The following CHCHD3 variants were observed in gnomAD, a reference collection of about 807,000 sequenced individuals.
CHCHD3 encodes MICOS complex subunit MIC19.
A neutral mutation model predicts 38.2 loss-of-function variants in CHCHD3; 20 were observed. The ratio of observed to expected loss-of-function variants is 0.52; its 90% CI spans 0.37 to 0.76. The LOEUF (loss-of-function observed/expected upper bound fraction) is 0.76, where lower values mean the gene tolerates loss of function less well. Among genes scored for constraint, CHCHD3 ranks in the 30% least tolerant of loss-of-function variants. CHCHD3 has a pLI of 0.00. For synonymous variants in CHCHD3, 82 were observed against 100.0 expected (o/e 0.82, Z 1.07); for missense variants, 245 against 279.2 (o/e 0.88, Z 0.87).
chr7:133,030,362 T>C (rs1813466854), intron 2 of CHCHD3, among the ~76,000 whole-genome samples: 1 of 152,154 alleles, frequency 6.6e-6, no homozygotes, highest in Admixed American at 6.6e-5. Context: ...TCTTTTCAGC[T>C]CCCAGGATCT....
At chr7:133,048,949 A>G (rs1331898578) in intron 2 of CHCHD3, among the ~76,000 whole-genome samples, 3 of 152,216 alleles carry the variant, frequency 2.0e-5, no homozygotes, top group Admixed American at 2.0e-4. Context: ...TGTTGATTTA[A>G]AAGTACCAGG....
At chr7:132,818,218 G>C (rs373752068) in intron 6 of CHCHD3, among the ~76,000 whole-genome samples, 1 of 152,188 alleles carries the variant, frequency 6.6e-6, no homozygotes, top group East Asian at 1.9e-4. Flanking sequence ...TTCTTGTACA[G>C]CCTGCCTGAC....
rs139878161 is a variant in CHCHD3, at chr7:132,960,312, C to T, written c.369+14857G>A. Among the ~76,000 whole-genome samples the T allele has an allele frequency of 1.0e-3, 157 of 152,082 alleles. 1 individual carries two copies. The highest frequency in any genetic ancestry group is 3.5e-3 in the African/African-American group (146 of 41,504). ...GGGGAAAGCAGTATTATCATACACACAGAGAGCATATGTACAGTTAGAGAT... is the reference window on the plus strand; with the variant it reads ...GGGGAAAGCAGTATTATCATACACATAGAGAGCATATGTACAGTTAGAGAT... On this transcript the variant is annotated intron_variant, in intron 4 of 7. Transcript: ENST00000262570.
At chr7:133,073,616 C>A (rs968741715) in intron 1 of CHCHD3, among the ~76,000 whole-genome samples, 1 of 152,122 alleles carries the variant, frequency 6.6e-6, no homozygotes, top group Non-Finnish European at 1.5e-5. Flanking sequence ...CTTAACTCTT[C>A]TTTCTCTCTC....
chr7:133,061,361 T>C (rs1415022386), intron 2 of CHCHD3, among the ~76,000 whole-genome samples: 1 of 150,412 alleles, frequency 6.6e-6, no homozygotes, highest in East Asian at 2.0e-4. Flanking sequence ...AAGCGTAACA[T>C]AATAAATTGG....
At chr7:132,786,749 A>G (rs1339805229) in intron 7 of CHCHD3, among the ~76,000 whole-genome samples, 1 of 152,184 alleles carries the variant, frequency 6.6e-6, no homozygotes. Flanking sequence ...AAACTAATAC[A>G]TACACCTGTG....
intron 4 of CHCHD3, among the ~76,000 whole-genome samples, chr7:132,941,901 A>G (rs1384079007): frequency 6.6e-6 from 1 of 152,210 alleles, no homozygotes; most frequent in East Asian, 1.9e-4. Context: ...CATAATCATC[A>G]CAGTTTCAAA....
intron 6 of CHCHD3, among the ~76,000 whole-genome samples, chr7:132,811,679 A>G (rs1807073597): frequency 6.6e-6 from 1 of 152,234 alleles, no homozygotes; most frequent in Admixed American, 6.5e-5. Context: ...GGACCCGATC[A>G]GCACAGACTT....
intron 2 of CHCHD3, among the ~76,000 whole-genome samples, chr7:133,046,815 G>A (rs892660342): frequency 2.0e-5 from 3 of 152,042 alleles, no homozygotes; most frequent in East Asian, 3.9e-4. Flanking sequence ...TGCCCGTCTC[G>A]GCCTCCCAAA....
intron 6 of CHCHD3, among the ~76,000 whole-genome samples, chr7:132,829,552 C>A (rs1395555859): frequency 6.6e-6 from 1 of 152,186 alleles, no homozygotes; most frequent in East Asian, 1.9e-4. Context: ...TGATCATTTA[C>A]ATGTTTACAC....
chr7:132,981,019 T>A (rs1213775563), intron 3 of CHCHD3, among the ~76,000 whole-genome samples: 2 of 152,176 alleles, frequency 1.3e-5, no homozygotes, highest in African/African-American at 4.8e-5. Context: ...ATGGTCTTGC[T>A]CTCTTGCCCA....
intron 2 of CHCHD3, among the ~76,000 whole-genome samples, chr7:133,065,764 A>G (rs1324619021): frequency 6.6e-6 from 1 of 152,270 alleles, no homozygotes; most frequent in Non-Finnish European, 1.5e-5. Flanking sequence ...TTCAAGCTTC[A>G]TGCTTTTATA....
At chr7:132,913,025 A>AT (rs1206071992) in intron 4 of CHCHD3, among the ~76,000 whole-genome samples, 1 of 152,252 alleles carries the variant, frequency 6.6e-6, no homozygotes, top group Non-Finnish European at 1.5e-5. Flanking sequence ...CAACTAGAAC[A>AT]TCACAACAAA....
At chr7:133,039,051 T>A (rs1420789844) in intron 2 of CHCHD3, among the ~76,000 whole-genome samples, 1 of 152,248 alleles carries the variant, frequency 6.6e-6, no homozygotes, top group East Asian at 1.9e-4. Flanking sequence ...TAAAATGGAA[T>A]CTGACAACTG....
At chr7:133,048,256 T>C (rs141529101) in intron 2 of CHCHD3, among the ~76,000 whole-genome samples, 213 of 152,318 alleles carry the variant, frequency 1.4e-3, no homozygotes, top group African/African-American at 4.6e-3. Context: ...TGCTTATATC[T>C]GCTAGTACTC....
At chr7:132,842,405 A>G (rs917890988) in intron 5 of CHCHD3, among the ~76,000 whole-genome samples, 1 of 152,212 alleles carries the variant, frequency 6.6e-6, no homozygotes, top group Non-Finnish European at 1.5e-5. Context: ...GGTTCCCCTT[A>G]TGTCCACATC....
chr7:133,063,941 T>A (rs925016140), intron 2 of CHCHD3, among the ~76,000 whole-genome samples: 2 of 152,144 alleles, frequency 1.3e-5, no homozygotes, highest in African/African-American at 4.8e-5. Context: ...CCATCCCTCT[T>A]AGCCTCAAGT....
rs568387557 is a variant in CHCHD3, at chr7:133,015,535, T to TTAAGAGACC, written c.251+9002_251+9010dup. 8.5e-4 allele frequency among the ~76,000 whole-genome samples: 129 copies of TTAAGAGACC among 152,288 alleles called. 1 individual carries two copies. In the South Asian group the frequency reaches 0.026, roughly 31 times the overall value. ...CAGTAGCACAAAACAGAGGTCATTT[T>TTAAGAGACC]TAAGAGACCTAAGAGACCTGTTATT... On this transcript the variant is annotated intron_variant, in intron 3 of 7. Transcript: ENST00000262570.
intron 2 of CHCHD3, among the ~76,000 whole-genome samples, chr7:133,044,904 C>T (rs897153054): frequency 1.3e-5 from 2 of 152,212 alleles, no homozygotes; most frequent in African/African-American, 4.8e-5. Context: ...CCTCCCAAGT[C>T]CTGCAGCTCT....
Sources: gnomAD v4.1 joint callset for allele counts (sites outside exome capture counted in the v4.1 genomes callset) on GRCh38, gnomAD v4.1.1 for gene constraint, MANE v1.5 for transcripts, NCBI Gene and HGNC (gene_info 2026-07-23, HGNC 2026-07-21) for gene names.